The following SUPT3H variants were observed in gnomAD, a reference collection of about 807,000 sequenced individuals.
SUPT3H encodes SPT3 homolog, SAGA and STAGA complex component.
SUPT3H carries 44 observed loss-of-function variants against 44.3 expected under a neutral mutation model. The observed-to-expected ratio is 0.99, with a 90% CI of 0.78 to 1.28. The LOEUF (loss-of-function observed/expected upper bound fraction) is 1.28. Among genes scored for constraint, SUPT3H ranks in the 50% most tolerant of loss-of-function variants. SUPT3H has a pLI of 0.00. For synonymous variants in SUPT3H, 124 were observed against 125.6 expected, an observed-to-expected ratio of 0.99 and a Z score of 0.09; for missense variants, 380 against 387.1, an observed-to-expected ratio of 0.98 and a Z score of 0.15.
chr6:44,979,234 C>T lies in SUPT3H; in HGVS notation c.505-17406G>A, dbSNP rs73735299. Among the ~76,000 whole-genome samples, 1,322 of 152,140 alleles carry T rather than the reference C, an allele frequency of 8.7e-3. 24 individuals are homozygous for T. Among genetic ancestry groups the T allele is most frequent in the African/African-American group, 0.03 (1,245 of 41,516 alleles). ...TATTTTAATTTCTCAAGTCGCAGAA[C>T]GAATATTTTGATTAACAAAAAAGCC... On this transcript the variant is annotated intron_variant, in intron 6 of 10. Transcript: ENST00000371459.
intron 3 of SUPT3H, among the ~76,000 whole-genome samples, chr6:45,038,814 C>T (rs992036898): frequency 7.2e-5 from 11 of 151,966 alleles, no homozygotes; most frequent in African/African-American, 2.2e-4. Context: ...GGTATAAAAA[C>T]TAAAACTTGA....
At chr6:45,321,915 C>A (rs1296379466) in intron 2 of SUPT3H, 1 of 1,315,126 alleles carries the variant, frequency 7.6e-7, no homozygotes, top group South Asian at 1.3e-5. Context: ...TGTAATCTCA[C>A]CTTAGATGGT....
At chr6:45,272,644 A>G (rs1776377393) in intron 2 of SUPT3H, among the ~76,000 whole-genome samples, 1 of 152,180 alleles carries the variant, frequency 6.6e-6, no homozygotes, top group Non-Finnish European at 1.5e-5. Context: ...TGTAAGGTGG[A>G]TGCCTAATGA....
intron 2 of SUPT3H, chr6:45,250,925 C>A (rs902670182): frequency 8.6e-5 from 13 of 151,990 alleles, no homozygotes; most frequent in African/African-American, 3.1e-4. Flanking sequence ...CTCCTGGGCT[C>A]AAGCAAGTAG....
intron 10 of SUPT3H, among the ~76,000 whole-genome samples, chr6:44,845,593 C>T (rs1771724227): frequency 6.6e-6 from 1 of 152,116 alleles, no homozygotes; most frequent in South Asian, 2.1e-4. Flanking sequence ...CCAAGACCAC[C>T]CTGGTCCACC....
chr6:45,174,936 G>C (rs1167980367), intron 2 of SUPT3H, among the ~76,000 whole-genome samples: 1 of 147,450 alleles, frequency 6.8e-6, no homozygotes, highest in Non-Finnish European at 1.5e-5. Flanking sequence ...CCAGCTACTC[G>C]GGAGGTCAGG....
intron 2 of SUPT3H, among the ~76,000 whole-genome samples, chr6:45,276,697 TGAG>T (rs1417848402): frequency 3.3e-5 from 5 of 152,320 alleles, no homozygotes; most frequent in South Asian, 2.1e-4. Context: ...TCTCCCATTA[TGAG>T]GAGAACACAC....
At chr6:45,193,292 C>T (rs1174210556) in intron 2 of SUPT3H, among the ~76,000 whole-genome samples, 2 of 151,922 alleles carry the variant, frequency 1.3e-5, no homozygotes, top group Admixed American at 6.6e-5. Context: ...ATAAATAGGC[C>T]ATGATCAGAA....
intron 2 of SUPT3H, among the ~76,000 whole-genome samples, chr6:45,143,194 C>T (rs1383694973): frequency 2.0e-5 from 3 of 152,056 alleles, no homozygotes; most frequent in Non-Finnish European, 2.9e-5. Context: ...TTAAACTACA[C>T]CTTAGAATGG....
At chr6:45,018,780 TTCA>T (rs1784686102) in intron 4 of SUPT3H, among the ~76,000 whole-genome samples, 1 of 152,080 alleles carries the variant, frequency 6.6e-6, no homozygotes, top group Admixed American at 6.6e-5. Context: ...TGCATCAATG[TTCA>T]TCAAGGATAT....
At chr6:45,217,989 G>C (rs147283333) in intron 2 of SUPT3H, among the ~76,000 whole-genome samples, 52 of 152,050 alleles carry the variant, frequency 3.4e-4, no homozygotes, top group African/African-American at 1.3e-3. Flanking sequence ...GAAAGAATGA[G>C]AGAAATGAGA....
intron 3 of SUPT3H, chr6:45,098,349 AT>A (rs1188899641): frequency 6.5e-6 from 1 of 154,900 alleles, no homozygotes; most frequent in African/African-American, 2.4e-5. Flanking sequence ...CCAAAGTCTG[AT>A]GTCAAAAAAA....
intron 2 of SUPT3H, among the ~76,000 whole-genome samples, chr6:45,359,735 A>G (rs1444062082): frequency 1.3e-5 from 2 of 152,202 alleles, no homozygotes; most frequent in African/African-American, 4.8e-5. Flanking sequence ...AAACTGCAAC[A>G]AATGCTATGA....
intron 3 of SUPT3H, among the ~76,000 whole-genome samples, chr6:45,094,999 G>A (rs1040577621): frequency 6.6e-6 from 1 of 152,014 alleles, no homozygotes; most frequent in African/African-American, 2.4e-5. Context: ...CTAAACATAT[G>A]CTTAATTTAC....
chr6:44,961,934 G>C (rs1280629069), intron 6 of SUPT3H, 106 bp from the exon 7 acceptor site: 5 of 770,016 alleles, frequency 6.5e-6, no homozygotes, highest in African/African-American at 3.5e-5. Context: ...CCTTATTCCA[G>C]GTGAACAGGG....
intron 2 of SUPT3H, among the ~76,000 whole-genome samples, chr6:45,130,701 A>C (rs528957175): frequency 1.7e-4 from 23 of 135,184 alleles, no homozygotes; most frequent in African/African-American, 4.3e-4. Context: ...AAAAAACAAA[A>C]AAAAAAACCA....
At chr6:45,014,232 G>C (rs1254810176) in intron 5 of SUPT3H, among the ~76,000 whole-genome samples, 1 of 151,868 alleles carries the variant, frequency 6.6e-6, no homozygotes, top group Non-Finnish European at 1.5e-5. Context: ...GGGAAGATTT[G>C]AAATGAATGA....
chr6:44,870,548 G>A (rs1284136607), intron 10 of SUPT3H, among the ~76,000 whole-genome samples: 3 of 150,832 alleles, frequency 2.0e-5, no homozygotes, highest in South Asian at 2.1e-4. Flanking sequence ...GCAGCGAGCC[G>A]GGACTGTGCT....
At chr6:44,977,691 T>C (rs1348735834) in intron 6 of SUPT3H, among the ~76,000 whole-genome samples, 1 of 152,052 alleles carries the variant, frequency 6.6e-6, no homozygotes, top group Non-Finnish European at 1.5e-5. Context: ...AAATCAGTGC[T>C]CTTTCTACTA....
Sources: gnomAD v4.1 joint callset for allele counts (sites outside exome capture counted in the v4.1 genomes callset) on GRCh38, gnomAD v4.1.1 for gene constraint, MANE v1.5 for transcripts, NCBI Gene and HGNC (gene_info 2026-07-23, HGNC 2026-07-21) for gene names.